Variants in FHDC1 observed in about 807,000 individuals in gnomAD.
FHDC1 encodes the protein FH2 domain-containing protein 1.
In FHDC1, 25 loss-of-function variants were observed where a neutral mutation model predicts 52.6. The ratio of observed to expected loss-of-function variants is 0.48; its 90% CI spans 0.35 to 0.66. The LOEUF (loss-of-function observed/expected upper bound fraction) is 0.66, where lower values mean the gene tolerates loss of function less well. Ranked by LOEUF, FHDC1 falls within the 30% of genes least tolerant of loss-of-function variation. FHDC1 has a pLI of 0.01. For missense variants in FHDC1, 1,459 were observed against 1,452.8 expected, an observed-to-expected ratio of 1.00 and a Z score of -0.07; for synonymous variants, 616 against 581.5, an observed-to-expected ratio of 1.06 and a Z score of -0.85.
At chr4:152,913,063 C>T in the FHDC1 span, among the ~76,000 whole-genome samples, 7 of 152,296 alleles carry the variant, frequency 4.6e-5, no homozygotes, top group South Asian at 8.3e-4. Flanking sequence ...AGCCAACCCC[C>T]ATCTCCAAAT....
Position 152,975,331 on chromosome 4 carries a change from C to T in FHDC1, c.2040C>T (p.Ala680=), listed in dbSNP as rs144841870. Residue 680 remains alanine, a synonymous_variant, in exon 12 of 12, where the codon GCC becomes GCT. Coordinates refer to ENST00000511601, the MANE Select transcript of FHDC1 (RefSeq NM_001371116.1). ...IKEHELVTGL[A]QFNLQGSQGM... is the part of the protein sequence containing the mutation. The stretch of plus-strand genomic sequence containing the variant: ...AGCATGAGCTGGTGACAGGGCTGGC[C>T]CAGTTCAACCTCCAGGGTTCCCAGG... The T allele has an allele frequency of 2.4e-5, 39 of 1,613,546 alleles. No homozygotes were observed. Among genetic ancestry groups the T allele is most frequent in the Non-Finnish European group, 3.1e-5 (37 of 1,180,042 alleles).
At chr4:152,922,339 AGG>A in the FHDC1 span, among the ~76,000 whole-genome samples, 1 of 152,218 alleles carries the variant, frequency 6.6e-6, no homozygotes, top group African/African-American at 2.4e-5. Flanking sequence ...GACCAATAAC[AGG>A]CTCTGAAATT....
At chr4:152,928,520 G>A in the FHDC1 span, among the ~76,000 whole-genome samples, 3 of 152,214 alleles carry the variant, frequency 2.0e-5, no homozygotes, top group African/African-American at 4.8e-5. Flanking sequence ...GGCACCGGTC[G>A]ACTTGCCAAA....
At chr4:152,934,038 T>C (rs113044760), upstream of FHDC1, among the ~76,000 whole-genome samples, 186 of 152,286 alleles carry the variant, frequency 1.2e-3, no homozygotes, top group African/African-American at 4.2e-3. Context: ...AGGTATCCAA[T>C]TTAACTTCTC....
chr4:152,954,805 G>T (rs563494880), intron 4 of FHDC1, among the ~76,000 whole-genome samples: 1 of 152,278 alleles, frequency 6.6e-6, no homozygotes, highest in East Asian at 1.9e-4. Flanking sequence ...AAAAAGCATG[G>T]ATTATGGAGT....
the FHDC1 span, among the ~76,000 whole-genome samples, chr4:152,926,303 C>CAA: frequency 2.1e-5 from 3 of 141,172 alleles, no homozygotes; most frequent in African/African-American, 7.8e-5. Flanking sequence ...CACACACACA[C>CAA]AAACAATACA....
chr4:152,927,455 G>A, the FHDC1 span: 1 of 809,502 alleles, frequency 1.2e-6, no homozygotes. Context: ...TATGGATGGA[G>A]GGGATGATGG....
rs1277616214 is a variant in FHDC1 at position 152,975,382 on chromosome 4, T to G, written c.2091T>G (p.Thr697=). 6.2e-7 allele frequency: 1 copy of G among 1,613,524 alleles called. No individual in the cohort carries two copies. Among genetic ancestry groups the G allele is most frequent in the Non-Finnish European group, 8.5e-7 (1 of 1,180,024 alleles). The change falls in exon 12 of 12, where the codon ACT becomes ACG. Residue 697 remains threonine, a synonymous_variant. Coordinates refer to ENST00000511601, the MANE Select transcript of FHDC1 (RefSeq NM_001371116.1). ...SQGMEETSQL[T]LSDFSPMELE... is the part of the protein sequence containing the mutation. ...GCATGGAGGAGACCTCCCAGCTGACTCTGAGTGACTTCAGCCCGATGGAGC... is the reference window on the plus strand; with the variant it reads ...GCATGGAGGAGACCTCCCAGCTGACGCTGAGTGACTTCAGCCCGATGGAGC...
intron 4 of FHDC1, among the ~76,000 whole-genome samples, chr4:152,959,505 T>TGATGAAATGAA (rs1740208381): frequency 1.3e-5 from 2 of 152,230 alleles, no homozygotes; most frequent in Non-Finnish European, 2.9e-5. Flanking sequence ...ATTGTAGATA[T>TGATGAAATGAA]CTTAGAAAAT....
the FHDC1 span, chr4:152,917,068 A>G: frequency 6.6e-6 from 1 of 152,240 alleles, no homozygotes; most frequent in African/African-American, 2.4e-5. Flanking sequence ...TCAGCCTCCC[A>G]AAGTGCTGGA....
chr4:152,958,651 C>T (rs1740184223), intron 4 of FHDC1, among the ~76,000 whole-genome samples: 1 of 152,176 alleles, frequency 6.6e-6, no homozygotes, highest in Non-Finnish European at 1.5e-5. Flanking sequence ...TCAGAGGTTT[C>T]ACACATGCTA....
intron 4 of FHDC1, among the ~76,000 whole-genome samples, chr4:152,956,518 A>G (rs898407881): frequency 6.6e-6 from 1 of 152,196 alleles, no homozygotes; most frequent in African/African-American, 2.4e-5. Flanking sequence ...CCTCATATTT[A>G]AAAGAACTTT....
At position 152,975,818 on chromosome 4, in the gene FHDC1, A is replaced by G. The variant is rs767929154; in HGVS notation, c.2527A>G (p.Ser843Gly). 1 of 1,522,412 alleles carries G rather than the reference A, an allele frequency of 6.6e-7. No individual in the cohort carries two copies. Among genetic ancestry groups the G allele is most frequent in the Non-Finnish European group, 8.8e-7 (1 of 1,136,636 alleles). 94.3% of individuals were successfully genotyped at this position (1,522,412 alleles called of 1,614,324 possible). Residue 843 changes from serine to glycine, a missense_variant, in exon 12 of 12, where the codon AGC becomes GGC. Physicochemically the swap from Ser to Gly is moderately conservative, Grantham distance 56 (BLOSUM62 0). Transcript: ENST00000511601. Reference protein sequence around the residue: ...PAPVSVDSEPSCKGGLPRDKP... With the variant: ...PAPVSVDSEPGCKGGLPRDKP... ...CCCCGTCTCTGTGGATAGTGAGCCC[A>G]GCTGCAAGGGCGGCCTGCCCAGGGA...
intron 9 of FHDC1, 123 bp downstream of exon 9, chr4:152,965,098 G>A: frequency 4.5e-6 from 4 of 897,506 alleles, no homozygotes; most frequent in Admixed American, 5.6e-5. Context: ...CTTTCAGACT[G>A]TCCTTCATTT....
chr4:152,959,800 C>T (rs12499920), intron 4 of FHDC1, among the ~76,000 whole-genome samples: 70,624 of 152,014 alleles, frequency 0.46, 16,845 homozygotes, highest in East Asian at 0.66. Context: ...AATAGATGTA[C>T]ATATAGTATG....
intron 4 of FHDC1, among the ~76,000 whole-genome samples, chr4:152,956,441 C>T (rs1740086411): frequency 6.6e-6 from 1 of 152,174 alleles, no homozygotes; most frequent in South Asian, 2.1e-4. Flanking sequence ...CTTCATTTCT[C>T]ATTTAAAATT....
intron 2 of FHDC1, among the ~76,000 whole-genome samples, chr4:152,952,703 G>A (rs190161647): frequency 9.5e-4 from 145 of 152,228 alleles, no homozygotes; most frequent in Middle Eastern, 6.8e-3. Flanking sequence ...CTTGAGCATC[G>A]TTAGATTTTG....
intron 4 of FHDC1, among the ~76,000 whole-genome samples, chr4:152,959,781 A>T (rs1740217958): frequency 6.6e-6 from 1 of 152,154 alleles, no homozygotes; most frequent in South Asian, 2.1e-4. Flanking sequence ...TTTTAAAAAA[A>T]TTTATAGAAA....
chr4:152,963,029 T>C lies in FHDC1; in HGVS notation c.928T>C (p.Tyr310His). Reference sequence around the variant, plus strand: ...TTTGATTTGTCTTCTTTAGGGAGGGTATGCCGGCAATGCAGTAGGATTTAA... The same window carrying C: ...TTTGATTTGTCTTCTTTAGGGAGGGCATGCCGGCAATGCAGTAGGATTTAA... ...QAGNIMNAGG[Y>H]AGNAVGFKLS... is the part of the protein sequence containing the mutation. The change falls in exon 8 of 12, where the codon TAT (tyrosine) becomes CAT (histidine). Residue 310 changes from tyrosine to histidine, a missense_variant. Tyr to His is a moderately conservative substitution (Grantham distance 83, BLOSUM62 2). Transcript: ENST00000511601. 1.2e-6 allele frequency: 2 copies of C among 1,613,230 alleles called. No homozygotes were observed. Among genetic ancestry groups the C allele is most frequent in the Non-Finnish European group, 1.7e-6 (2 of 1,179,876 alleles).
Sources: allele counts gnomAD v4.1 joint callset (sites outside exome capture counted in the v4.1 genomes callset), GRCh38; gene constraint gnomAD v4.1.1; transcripts MANE v1.5; gene names NCBI Gene and HGNC (gene_info 2026-07-23, HGNC 2026-07-21).